UBTD1: variants seen among roughly 807,000 people sequenced by gnomAD.
UBTD1 encodes ubiquitin domain-containing protein 1.
In UBTD1, 19 loss-of-function variants were observed where a neutral mutation model predicts 21.7. That is an observed-to-expected ratio of 0.87 (90% CI 0.61 to 1.28). The LOEUF is 1.28. Among genes scored for constraint, UBTD1 ranks in the 50% most tolerant of loss-of-function variants. UBTD1 has a pLI of 0.00. For missense variants in UBTD1, 282 were observed against 315.1 expected (o/e 0.89, Z 0.80); for synonymous variants, 116 against 135.1 (o/e 0.86, Z 0.98).
chr10:97,571,028 A>C lies in UBTD1; in HGVS notation c.*505A>C. ...TCTGCCTCTCCCTGCCCCCAGCACAATTGGCAGAGATGAGGCGGGTGGTGG... is the reference window on the plus strand; with the variant it reads ...TCTGCCTCTCCCTGCCCCCAGCACACTTGGCAGAGATGAGGCGGGTGGTGG... On this transcript the variant is annotated 3_prime_UTR_variant, in exon 3 of 3. Transcript: ENST00000370664. 6.2e-6 allele frequency: 1 copy of C among 160,466 alleles called. No individual in the cohort carries two copies. The highest frequency in any genetic ancestry group is 1.4e-5 in the Non-Finnish European group (1 of 72,020). 9.9% of individuals were successfully genotyped at this position (160,466 alleles called of 1,614,324 possible).
intron 2 of UBTD1, among the ~76,000 whole-genome samples, chr10:97,568,969 A>G (rs547024696): frequency 1.3e-5 from 2 of 152,074 alleles, no homozygotes; most frequent in African/African-American, 2.4e-5. Context: ...GATTACAGGC[A>G]TGCGCCATCA....
At chr10:97,510,442 A>G (rs1473668708) in intron 1 of UBTD1, among the ~76,000 whole-genome samples, 2 of 152,180 alleles carry the variant, frequency 1.3e-5, no homozygotes, top group Non-Finnish European at 2.9e-5. Context: ...GTTATTTTGA[A>G]TTTTGAGGCC....
At chr10:97,508,705 C>T (rs1049524764) in intron 1 of UBTD1, among the ~76,000 whole-genome samples, 2 of 152,126 alleles carry the variant, frequency 1.3e-5, no homozygotes, top group Middle Eastern at 3.2e-3. Flanking sequence ...TTTCCCCACC[C>T]CCAGACCACC....
intron 1 of UBTD1, among the ~76,000 whole-genome samples, chr10:97,566,076 A>G (rs932394955): frequency 6.6e-6 from 1 of 152,060 alleles, no homozygotes; most frequent in Admixed American, 6.6e-5. Flanking sequence ...TATACCTACT[A>G]TGTACCCACA....
chr10:97,558,125 C>A (rs2040673751), intron 1 of UBTD1, among the ~76,000 whole-genome samples: 1 of 151,682 alleles, frequency 6.6e-6, no homozygotes, highest in Non-Finnish European at 1.5e-5. Flanking sequence ...GAAGCTGCTC[C>A]CATCCACGTA....
chr10:97,547,696 C>G (rs186812389), intron 1 of UBTD1, among the ~76,000 whole-genome samples: 1 of 152,234 alleles, frequency 6.6e-6, no homozygotes, highest in Admixed American at 6.5e-5. Flanking sequence ...TCCTGAGTAA[C>G]TGGGACTACA....
intron 1 of UBTD1, among the ~76,000 whole-genome samples, chr10:97,538,472 TAGTG>T (rs2040573353): frequency 6.6e-6 from 1 of 152,214 alleles, no homozygotes; most frequent in Admixed American, 6.5e-5. Context: ...ATATTCAAAA[TAGTG>T]AGCATGAACA....
At chr10:97,529,599 CAA>C (rs11362598) in intron 1 of UBTD1, among the ~76,000 whole-genome samples, 1 of 149,996 alleles carries the variant, frequency 6.7e-6, no homozygotes, top group Non-Finnish European at 1.5e-5. Context: ...CCGTCTCCAC[CAA>C]AAAAAAAACG....
In UBTD1 at chr10:97,506,346, G is replaced by A. The variant is rs189785784; in HGVS notation, c.70+7073G>A. On this transcript the variant is annotated intron_variant, in intron 1 of 2. Transcript: ENST00000370664. ...AGGCCACGGGGCTTGTGAGACTCTA[G>A]GGCAGTGGGCCCCAAACTACGTGGT... Among the ~76,000 whole-genome samples the A allele has an allele frequency of 2.1e-3, 319 of 152,354 alleles. 1 individual carries two copies. The highest frequency in any genetic ancestry group is 7.2e-3 in the African/African-American group (300 of 41,588).
intron 1 of UBTD1, among the ~76,000 whole-genome samples, chr10:97,506,475 C>CT (rs1298296607): frequency 1.3e-5 from 2 of 150,958 alleles, no homozygotes; most frequent in Admixed American, 6.6e-5. Context: ...TTTCCTTTTT[C>CT]TTTTTTTTTA....
chr10:97,499,195 G>A lies in UBTD1; in HGVS notation c.-9G>A. Reference sequence around the variant, plus strand: ...CCTCCGGTGCATGGGGACTGGCTGAGGAGCCAGCATGGGCAACTGCGTGGG... The same window carrying A: ...CCTCCGGTGCATGGGGACTGGCTGAAGAGCCAGCATGGGCAACTGCGTGGG... On this transcript the variant is annotated 5_prime_UTR_variant, in exon 1 of 3. Transcript: ENST00000370664. 1 of 1,542,886 alleles carries A rather than the reference G, an allele frequency of 6.5e-7. No individual in the cohort carries two copies. The highest frequency in any genetic ancestry group is 8.7e-7 in the Non-Finnish European group (1 of 1,143,742).
chr10:97,505,367 A>G (rs1444528169), intron 1 of UBTD1, among the ~76,000 whole-genome samples: 1 of 152,210 alleles, frequency 6.6e-6, no homozygotes, highest in Admixed American at 6.5e-5. Flanking sequence ...TCAAGATATT[A>G]TAGGGAAGTG....
chr10:97,529,512 G>A (rs1311243277), intron 1 of UBTD1, among the ~76,000 whole-genome samples: 6 of 152,234 alleles, frequency 3.9e-5, no homozygotes, highest in East Asian at 1.9e-4. Flanking sequence ...CTGCAATCCC[G>A]GCACCTCGGG....
At chr10:97,499,381 T>C in intron 1 of UBTD1, 108 bp downstream of exon 1, 1 of 1,335,824 alleles carries the variant, frequency 7.5e-7, no homozygotes. Flanking sequence ...GGCGCTTGGG[T>C]TTCCCCGATG....
At chr10:97,546,111 C>T (rs1437803076) in intron 1 of UBTD1, among the ~76,000 whole-genome samples, 1 of 152,220 alleles carries the variant, frequency 6.6e-6, no homozygotes, top group African/African-American at 2.4e-5. Flanking sequence ...CCATTAGCTT[C>T]ATCCAACAGT....
At chr10:97,525,856 T>A (rs2040485885) in intron 1 of UBTD1, among the ~76,000 whole-genome samples, 1 of 152,224 alleles carries the variant, frequency 6.6e-6, no homozygotes, top group African/African-American at 2.4e-5. Context: ...AATGAATTTA[T>A]GGGAATGTGG....
intron 1 of UBTD1, among the ~76,000 whole-genome samples, chr10:97,511,181 T>C (rs900691127): frequency 4.6e-5 from 7 of 152,226 alleles, no homozygotes; most frequent in African/African-American, 1.7e-4. Flanking sequence ...GTTCGATTTC[T>C]TGTATACTGC....
At chr10:97,558,020 T>A (rs2040672975) in intron 1 of UBTD1, among the ~76,000 whole-genome samples, 1 of 152,196 alleles carries the variant, frequency 6.6e-6, no homozygotes, top group Non-Finnish European at 1.5e-5. Context: ...GTGATGAGTT[T>A]CCTCATGCTT....
At chr10:97,534,890 C>T (rs2040552697) in intron 1 of UBTD1, among the ~76,000 whole-genome samples, 1 of 152,208 alleles carries the variant, frequency 6.6e-6, no homozygotes, top group Admixed American at 6.5e-5. Context: ...CTCAGTCCTC[C>T]TTGCCCGCCT....
Sources: gnomAD v4.1 joint callset for allele counts (sites outside exome capture counted in the v4.1 genomes callset) on GRCh38, gnomAD v4.1.1 for gene constraint, MANE v1.5 for transcripts, NCBI Gene and HGNC (gene_info 2026-07-23, HGNC 2026-07-21) for gene names.